Variants in DLGAP1 observed in about 807,000 individuals in gnomAD.
The protein encoded by DLGAP1 is DLG associated protein 1, also known as disks large-associated protein 1.
In DLGAP1, 11 loss-of-function variants were observed where a neutral mutation model predicts 90.8. The ratio of observed to expected loss-of-function variants is 0.12; its 90% confidence interval spans 0.08 to 0.20. The LOEUF is 0.20. Ranked by LOEUF, DLGAP1 falls within the 10% of genes least tolerant of loss-of-function variation. DLGAP1 has a pLI of 1.00. For missense variants in DLGAP1, 1,050 were observed against 1,333.8 expected, an observed-to-expected ratio of 0.79 and a Z score of 3.31; for synonymous variants, 558 against 540.7, an observed-to-expected ratio of 1.03 and a Z score of -0.44.
At chr18:3,940,762 A>G (rs887652152) in intron 3 of DLGAP1, among the ~76,000 whole-genome samples, 13 of 152,224 alleles carry the variant, frequency 8.5e-5, no homozygotes, top group African/African-American at 2.9e-4. Flanking sequence ...TTCCTTTTCT[A>G]TATCATGTAG....
chr18:3,609,457 C>G (rs1345055462), intron 7 of DLGAP1, among the ~76,000 whole-genome samples: 1 of 152,194 alleles, frequency 6.6e-6, no homozygotes, highest in Non-Finnish European at 1.5e-5. Context: ...AGCCATGAAC[C>G]TAGCGATGGG....
intron 5 of DLGAP1, among the ~76,000 whole-genome samples, chr18:3,812,196 T>G (rs2066878222): frequency 1.3e-5 from 2 of 152,112 alleles, no homozygotes; most frequent in South Asian, 4.2e-4. Context: ...AGTGGAGAGA[T>G]ATTTTAAGGT....
chr18:3,723,189 G>A (rs1021351431), intron 7 of DLGAP1, among the ~76,000 whole-genome samples: 3 of 152,166 alleles, frequency 2.0e-5, no homozygotes, highest in Non-Finnish European at 2.9e-5. Context: ...GGAACTATTC[G>A]CTGAAACTTC....
At chr18:3,891,769 A>C (rs1370571630) in intron 3 of DLGAP1, among the ~76,000 whole-genome samples, 1 of 152,080 alleles carries the variant, frequency 6.6e-6, no homozygotes, top group African/African-American at 2.4e-5. Flanking sequence ...ATATTTAGTA[A>C]TTTTTAAATT....
chr18:4,186,617 T>G (rs1019279803), intron 1 of DLGAP1, among the ~76,000 whole-genome samples: 5 of 152,166 alleles, frequency 3.3e-5, no homozygotes, highest in South Asian at 2.1e-4. Flanking sequence ...GGCTGTCTAT[T>G]CTATTCCATT....
chr18:3,868,602 C>T (rs1052296416), intron 4 of DLGAP1, among the ~76,000 whole-genome samples: 1 of 152,050 alleles, frequency 6.6e-6, no homozygotes, highest in African/African-American at 2.4e-5. Flanking sequence ...AATGGCAAGC[C>T]TATTTGGTCA....
chr18:3,977,317 C>G (rs1415990125), intron 3 of DLGAP1, among the ~76,000 whole-genome samples: 2 of 152,194 alleles, frequency 1.3e-5, no homozygotes, highest in African/African-American at 4.8e-5. Context: ...AGTGATCTGC[C>G]TGCCTTGGCC....
Position 3,879,267 on chromosome 18 carries a change from T to C in DLGAP1, c.802A>G (p.Ser268Gly). Residue 268 changes from serine to glycine, a missense_variant, in exon 4 of 13, where the codon AGC (serine) becomes GGC (glycine). Physicochemically the swap from Ser to Gly is moderately conservative, Grantham distance 56. Transcript: ENST00000315677. This position sits in a 1 kb window ranked among gnomAD's most constrained non-coding sequence, Gnocchi z 6.6. ...KCSTCANLPV[S>G]LDTPLLKKSA... ...TTCTTCAGCAGCGGGGTGTCCAGGC[T>C]GACCGGCAGGTTGGCGCAGGTGGAG... is the stretch of plus-strand genomic sequence containing the variant. The C allele has an allele frequency of 6.3e-7, 1 of 1,599,576 alleles. No homozygotes were observed. Among genetic ancestry groups the C allele is most frequent in the Non-Finnish European group, 8.5e-7 (1 of 1,172,384 alleles).
intron 5 of DLGAP1, among the ~76,000 whole-genome samples, chr18:3,772,181 CCT>C (rs1349835615): frequency 0.013 from 1,910 of 146,098 alleles, 54 homozygotes; most frequent in African/African-American, 0.045. Flanking sequence ...TCCTTTCTCT[CCT>C]TCCTTCCTTT....
At chr18:3,595,219 T>G (rs2056511713) in intron 7 of DLGAP1, among the ~76,000 whole-genome samples, 1 of 152,222 alleles carries the variant, frequency 6.6e-6, no homozygotes, top group African/African-American at 2.4e-5. Context: ...CTATGTTAAC[T>G]GGAAACTAGG....
chr18:4,039,931 T>C (rs1195743805), intron 2 of DLGAP1, among the ~76,000 whole-genome samples: 1 of 152,242 alleles, frequency 6.6e-6, no homozygotes, highest in African/African-American at 2.4e-5. Flanking sequence ...TGAGTCAGCA[T>C]CATACATTTC....
chr18:3,619,403 C>T (rs970963754), intron 7 of DLGAP1, among the ~76,000 whole-genome samples: 6 of 152,154 alleles, frequency 3.9e-5, no homozygotes, highest in Admixed American at 6.5e-5. Flanking sequence ...TGGGCAGGGG[C>T]GCTGCTGACC....
intron 1 of DLGAP1, among the ~76,000 whole-genome samples, chr18:4,397,896 G>T (rs988290829): frequency 2.6e-5 from 4 of 152,026 alleles, no homozygotes; most frequent in Admixed American, 6.5e-5. Flanking sequence ...GTTTATGAGT[G>T]AAAAAAAGGT....
In DLGAP1 at chr18:3,952,987, T is replaced by C. The variant is rs2073018486; in HGVS notation, c.-73+52129A>G. 2.0e-5 allele frequency among the ~76,000 whole-genome samples: 3 copies of C among 152,240 alleles called. No homozygotes were observed. In the South Asian group the frequency reaches 6.2e-4, roughly 31 times the overall value. On this transcript the variant is annotated intron_variant, in intron 3 of 12. Coordinates refer to ENST00000315677, the MANE Select transcript of DLGAP1 (RefSeq NM_004746.4). ...CCTACCAGGGCTAGACTCTGTGTTC[T>C]GCCCTTGGAAGACTGAAAGCCATCT...
chr18:4,253,625 T>C (rs1598734019), intron 1 of DLGAP1, among the ~76,000 whole-genome samples: 1 of 152,072 alleles, frequency 6.6e-6, no homozygotes, highest in African/African-American at 2.4e-5. Context: ...GCCCAGGCTG[T>C]TCTTGAACTC....
intron 7 of DLGAP1, among the ~76,000 whole-genome samples, chr18:3,588,186 G>A (rs1223117852): frequency 6.6e-6 from 1 of 152,200 alleles, no homozygotes; most frequent in African/African-American, 2.4e-5. Context: ...GGGGCCGGGC[G>A]CTGTGGCTCA....
intron 3 of DLGAP1, among the ~76,000 whole-genome samples, chr18:3,959,743 C>A (rs145753246): frequency 6.6e-6 from 1 of 151,768 alleles, no homozygotes; most frequent in Non-Finnish European, 1.5e-5. Flanking sequence ...AGTAGTTACA[C>A]TGAAGAAAGA....
intron 1 of DLGAP1, among the ~76,000 whole-genome samples, chr18:4,194,127 A>T (rs1284246251): frequency 6.6e-6 from 1 of 152,128 alleles, no homozygotes; most frequent in African/African-American, 2.4e-5. Context: ...TGAGCATAGT[A>T]GCCAACAGTT....
chr18:4,008,380 C>CA (rs1369644405), intron 2 of DLGAP1, among the ~76,000 whole-genome samples: 2 of 151,914 alleles, frequency 1.3e-5, no homozygotes, highest in Non-Finnish European at 2.9e-5. Context: ...TATAGTTAAA[C>CA]AAAAAATACC....
Sources: allele counts gnomAD v4.1 joint callset (sites outside exome capture counted in the v4.1 genomes callset), GRCh38; gene constraint gnomAD v4.1.1; non-coding constraint Gnocchi (gnomAD v3.1); transcripts MANE v1.5; gene names NCBI Gene and HGNC (gene_info 2026-07-23, HGNC 2026-07-21).